The following ZBED3 variants were observed in gnomAD, a reference collection of about 807,000 sequenced individuals.
The protein encoded by ZBED3 is zinc finger BED domain-containing protein 3.
For synonymous variants in ZBED3, 175 were observed against 180.0 expected (o/e 0.97, Z 0.22); for missense variants, 388 against 362.9 (o/e 1.07, Z -0.56).
rs1265148254 is a variant in ZBED3 at position 77,075,712 on chromosome 5, A to T, written c.*1462T>A. ...TTTTTCAATATAAAAAAATAAGAAA[A>T]AAAAGAGGCCTATGGAAAAACTGGG... is the stretch of plus-strand genomic sequence containing the variant. On this transcript the variant is annotated 3_prime_UTR_variant, in exon 3 of 3. Coordinates refer to ENST00000255198, the MANE Select transcript of ZBED3 (RefSeq NM_032367.4). 6.6e-6 allele frequency: 1 copy of T among 151,678 alleles called. No individual in the cohort carries two copies. Among genetic ancestry groups the T allele is most frequent in the Non-Finnish European group, 1.5e-5 (1 of 67,954 alleles). 9.4% of individuals were successfully genotyped at this position (151,678 alleles called of 1,614,324 possible). A position where few individuals can be genotyped will look rare whatever the true frequency, so the allele number is the denominator to read the frequency against.
chr5:77,077,798 C>G lies in ZBED3; in HGVS notation c.81G>C (p.Pro27=), dbSNP rs1743054796. ...DDAAARGGQC[P]GLGPAPTPTP... ...TCGGCGTCGGCGCCGGCCCCAGTCC[C>G]GGACACTGACCGCCCCGCGCCGCCG... is the stretch of plus-strand genomic sequence containing the variant. The change falls in exon 3 of 3, where the codon CCG becomes CCC. Residue 27 remains proline, a synonymous_variant. Transcript: ENST00000255198. The G allele has an allele frequency of 3.1e-6, 4 of 1,306,886 alleles. No individual in the cohort carries two copies. Among genetic ancestry groups the G allele is most frequent in the Non-Finnish European group, 3.9e-6 (4 of 1,033,398 alleles). The allele number at this position is 1,306,886 out of a possible 1,614,324, so 81.0% of individuals were successfully genotyped here.
chr5:77,086,035 A>ACT lies in ZBED3; in HGVS notation c.-153+1074_-153+1075dup, dbSNP rs199509031. On this transcript the variant is annotated intron_variant, in intron 1 of 2. Transcript: ENST00000255198. ...ACCATTAGCTAAAAGGCAGAGAAGC[A>ACT]CTCTCTCTCTCTATTAATGCACTTT... 5.9e-4 allele frequency among the ~76,000 whole-genome samples: 90 copies of ACT among 152,156 alleles called. 1 individual carries two copies. The East Asian group carries it at 0.013, about 22-fold the overall frequency.
chr5:77,084,531 T>G (rs1743198948), intron 1 of ZBED3, among the ~76,000 whole-genome samples: 1 of 152,194 alleles, frequency 6.6e-6, no homozygotes, highest in Admixed American at 6.5e-5. Context: ...ATTAAACGTC[T>G]TTCTTTTATA....
At position 77,072,491 on chromosome 5, in the gene ZBED3, G is replaced by GC. The variant is rs1422531375; in HGVS notation, c.*4682dup. ...TTAAAGAATGTGCTAGGGACTCATG[G>GC]CCACTCTAAAAGAGGAGTTCCAGAA... On this transcript the variant is annotated 3_prime_UTR_variant, in exon 3 of 3. Transcript: ENST00000255198. 1 of 152,162 alleles carries GC rather than the reference G, an allele frequency of 6.6e-6. No homozygotes were observed. Among genetic ancestry groups the GC allele is most frequent in the Non-Finnish European group, 1.5e-5 (1 of 68,030 alleles). The allele number at this position is 152,162 out of a possible 1,614,324, so 9.4% of individuals were successfully genotyped here.
intron 1 of ZBED3, chr5:77,080,416 C>G: frequency 2.2e-6 from 1 of 460,412 alleles, no homozygotes; most frequent in Middle Eastern, 3.9e-4. Context: ...TCACCTGAGC[C>G]AGGGACAGGC....
In ZBED3 at chr5:77,079,923, C is replaced by T. The variant is rs116376207; in HGVS notation, c.-152-1195G>A. On this transcript the variant is annotated intron_variant, in intron 1 of 2. Coordinates refer to ENST00000255198, the MANE Select transcript of ZBED3 (RefSeq NM_032367.4). ...AAACATTTTTAATTATCTAACTTTA[C>T]CTAAAATTTTTCCTATACTTTTTTC... Among the ~76,000 whole-genome samples the T allele has an allele frequency of 3.7e-3, 568 of 152,236 alleles. 2 individuals are homozygous for T. The highest frequency in any genetic ancestry group is 6.7e-3 in the Non-Finnish European group (454 of 68,020).
In ZBED3 at chr5:77,076,041, G is replaced by GTA. The variant is rs34123036; in HGVS notation, c.*1131_*1132dup. The GTA allele has an allele frequency of 0.098, 7,490 of 76,222 alleles. 1,547 individuals carry two copies. The highest frequency in any genetic ancestry group is 0.16 in the Middle Eastern group (26 of 166). The allele number at this position is 76,222 out of a possible 1,614,324, so 4.7% of individuals were successfully genotyped here. On this transcript the variant is annotated 3_prime_UTR_variant, in exon 3 of 3. Transcript: ENST00000255198. ...TATATGTATATATATATGTATATATGTATATATATATATAATATATACACA... is the reference window on the plus strand; with the variant it reads ...TATATGTATATATATATGTATATATGTATATATATATATATAATATATACACA...
chr5:77,077,592 G>C lies in ZBED3; in HGVS notation c.287C>G (p.Ala96Gly). The C allele has an allele frequency of 1.5e-6, 2 of 1,350,394 alleles. No homozygotes were observed. Among genetic ancestry groups the C allele is most frequent in the South Asian group, 1.8e-5 (1 of 55,112 alleles). The allele number at this position is 1,350,394 out of a possible 1,614,324, so 83.7% of individuals were successfully genotyped here. ...GCTGCTCTCCAGCTCCCGCCGGTGC[G>C]CGCTCCTCAGGTGCCTCCACAACGC... is the stretch of plus-strand genomic sequence containing the variant. The part of the protein sequence containing the change: ...TSALWRHLRS[A>G]HRRELESSGA... Residue 96 changes from alanine (A) to glycine (G), a missense_variant, in exon 3 of 3, where the codon GCG (alanine) becomes GGG (glycine). By Grantham distance (60) the Ala-to-Gly change is moderately conservative. Coordinates refer to ENST00000255198, the MANE Select transcript of ZBED3 (RefSeq NM_032367.4).
chr5:77,080,062 ATTTAC>A (rs1263394408), intron 1 of ZBED3, among the ~76,000 whole-genome samples: 1 of 152,184 alleles, frequency 6.6e-6, no homozygotes, highest in Non-Finnish European at 1.5e-5. Flanking sequence ...TTTACGACTA[ATTTAC>A]TTTATAAATT....
In ZBED3 at chr5:77,077,603, G is replaced by A. The variant is rs1293315507; in HGVS notation, c.276C>T (p.His92=). The stretch of plus-strand genomic sequence containing the variant: ...GCTCCCGCCGGTGCGCGCTCCTCAG[G>A]TGCCTCCACAACGCCGAGGTCCCCG... The part of the protein sequence containing the change: ...FHAGTSALWR[H]LRSAHRRELE... The change falls in exon 3 of 3, where the codon CAC becomes CAT. Residue 92 remains histidine (H), a synonymous_variant. Transcript: ENST00000255198. The A allele has an allele frequency of 5.7e-5, 80 of 1,399,998 alleles. No homozygotes were observed. The highest frequency in any genetic ancestry group is 7.3e-5 in the Non-Finnish European group (78 of 1,075,732). The allele number at this position is 1,399,998 out of a possible 1,614,324, so 86.7% of individuals were successfully genotyped here.
In ZBED3 at chr5:77,087,242, C is replaced by G. The variant is rs909224728; in HGVS notation, c.-284G>C. 6.6e-6 allele frequency: 1 copy of G among 152,352 alleles called. No homozygotes were observed. The highest frequency in any genetic ancestry group is 1.5e-5 in the Non-Finnish European group (1 of 68,140). The allele number at this position is 152,352 out of a possible 1,614,324, so 9.4% of individuals were successfully genotyped here. ...CCGCGCGTGCCCCTTAAAGACACAGCGCTGCATTCACACGTCTGCGGGGAA... is the reference window on the plus strand; with the variant it reads ...CCGCGCGTGCCCCTTAAAGACACAGGGCTGCATTCACACGTCTGCGGGGAA... On this transcript the variant is annotated 5_prime_UTR_variant, in exon 1 of 3. Transcript: ENST00000255198.
Position 77,075,985 on chromosome 5 carries a change from A to ATG in ZBED3, c.*1188_*1189insCA, listed in dbSNP as rs1199910397. ...TATATATGTATATGTATATATGTAT[A>ATG]TATATATGTATATATGTATATATAT... On this transcript the variant is annotated 3_prime_UTR_variant, in exon 3 of 3. Coordinates refer to ENST00000255198, the MANE Select transcript of ZBED3 (RefSeq NM_032367.4). 4 of 34,524 alleles carry ATG rather than the reference A, an allele frequency of 1.2e-4. No homozygotes were observed. The highest frequency in any genetic ancestry group is 3.5e-4 in the Admixed American group (1 of 2,886). The allele number at this position is 34,524 out of a possible 1,614,324, so 2.1% of individuals were successfully genotyped here.
Position 77,077,702 on chromosome 5 carries a change from G to A in ZBED3, c.177C>T (p.Pro59=), listed in dbSNP as rs1472705226. 1 of 1,346,050 alleles carries A rather than the reference G, an allele frequency of 7.4e-7. No homozygotes were observed. The highest frequency in any genetic ancestry group is 9.5e-7 in the Non-Finnish European group (1 of 1,053,628). 83.4% of individuals were successfully genotyped at this position (1,346,050 alleles called of 1,614,324 possible). The change falls in exon 3 of 3, where the codon CCC becomes CCT. Residue 59 remains proline (P), a synonymous_variant. Coordinates refer to ENST00000255198, the MANE Select transcript of ZBED3 (RefSeq NM_032367.4). ...TGGCCCAGTGGCCCGACGGATGCCC[G>A]GGGCGCCCCGGCGCCAGGTGGAAGT... ...WGYFHLAPGR[P]GHPSGHWATC... is the part of the protein sequence containing the mutation.
At position 77,077,867 on chromosome 5, in the gene ZBED3, G is replaced by C; in HGVS notation, c.12C>G (p.Gly4=). 7.9e-7 allele frequency: 1 copy of C among 1,258,894 alleles called. No homozygotes were observed. Among genetic ancestry groups the C allele is most frequent in the Non-Finnish European group, 1.0e-6 (1 of 1,004,714 alleles). 78.0% of individuals were successfully genotyped at this position (1,258,894 alleles called of 1,614,324 possible). A position where few individuals can be genotyped will look rare whatever the true frequency, so the allele number is the denominator to read the frequency against. Residue 4 remains glycine (G), a synonymous_variant, in exon 3 of 3, where the codon GGC becomes GGG. Transcript: ENST00000255198. MRS[G]EPACTMDQAR... ...CCTGGTCCATGGTGCAGGCCGGCTC[G>C]CCACTCCTCATTCTGCGGCGCCCGC...
chr5:77,078,219 T>C (rs114169197), intron 2 of ZBED3, among the ~76,000 whole-genome samples: 1,942 of 152,332 alleles, frequency 0.013, 38 homozygotes, highest in African/African-American at 0.044. Flanking sequence ...GTGCTGTGTC[T>C]GTATTAGCTT....
In ZBED3 at chr5:77,075,992, T is replaced by C. The variant is rs1309721259; in HGVS notation, c.*1182A>G. ...GTATATGTATATATGTATATATATA[T>C]GTATATATGTATATATATATGTATA... is the stretch of plus-strand genomic sequence containing the variant. On this transcript the variant is annotated 3_prime_UTR_variant, in exon 3 of 3. Coordinates refer to ENST00000255198, the MANE Select transcript of ZBED3 (RefSeq NM_032367.4). 7.7e-4 allele frequency: 41 copies of C among 53,272 alleles called. 6 individuals are homozygous for C. The highest frequency in any genetic ancestry group is 8.9e-4 in the South Asian group (2 of 2,236). 3.3% of individuals were successfully genotyped at this position (53,272 alleles called of 1,614,324 possible). A position where few individuals can be genotyped will look rare whatever the true frequency, so the allele number is the denominator to read the frequency against.
In ZBED3 at chr5:77,077,698, GC is replaced by G; in HGVS notation, c.180del (p.His61IlefsTer33). The G allele has an allele frequency of 1.5e-6, 2 of 1,348,640 alleles. No homozygotes were observed. The highest frequency in any genetic ancestry group is 1.9e-6 in the Non-Finnish European group (2 of 1,054,924). 83.5% of individuals were successfully genotyped at this position (1,348,640 alleles called of 1,614,324 possible). ...CAGGTGGCCCAGTGGCCCGACGGAT[GC>G]CCGGGGCGCCCCGGCGCCAGGTGGA... ...GYFHLAPGRPGHPSGHWATCR... is the reference protein window; with the variant it reads ...GYFHLAPGRPXHPSGHWATCR... On this transcript the variant is annotated frameshift_variant, in exon 3 of 3. Transcript: ENST00000255198. LOFTEE classifies it low-confidence loss of function (END_TRUNC).
Position 77,076,658 on chromosome 5 carries a change from C to T in ZBED3, c.*516G>A, listed in dbSNP as rs969069474. The T allele has an allele frequency of 6.7e-6, 1 of 149,948 alleles. No individual in the cohort carries two copies. Among genetic ancestry groups the T allele is most frequent in the Non-Finnish European group, 1.5e-5 (1 of 67,724 alleles). The allele number at this position is 149,948 out of a possible 1,614,324, so 9.3% of individuals were successfully genotyped here. On this transcript the variant is annotated 3_prime_UTR_variant, in exon 3 of 3. Coordinates refer to ENST00000255198, the MANE Select transcript of ZBED3 (RefSeq NM_032367.4). ...GACGTCCCTCACCCACCCTTCAGAA[C>T]TTGGTGTTGGGCAGATTATGCATTA...
chr5:77,083,987 C>CCCT (rs1743181746), intron 1 of ZBED3, among the ~76,000 whole-genome samples: 1 of 152,156 alleles, frequency 6.6e-6, no homozygotes, highest in African/African-American at 2.4e-5. Flanking sequence ...GAAAAAAGCT[C>CCCT]CCTTAATTTT....
Sources: gnomAD v4.1 joint callset for allele counts (sites outside exome capture counted in the v4.1 genomes callset) on GRCh38, gnomAD v4.1.1 for gene constraint, MANE v1.5 for transcripts, NCBI Gene and HGNC (gene_info 2026-07-23, HGNC 2026-07-21) for gene names.